Variants in C1orf167 observed in about 807,000 individuals in gnomAD.
C1orf167 encodes the protein chromosome 1 open reading frame 167, also known as uncharacterized protein C1orf167.
A neutral mutation model predicts 176.5 loss-of-function variants in C1orf167; 153 were observed. The ratio of observed to expected loss-of-function variants is 0.87; its 90% CI spans 0.76 to 0.99. The LOEUF (loss-of-function observed/expected upper bound fraction) is 0.99. Ranked by LOEUF, C1orf167 falls within the 50% of genes least tolerant of loss-of-function variation. The pLI is 0.00. For missense variants in C1orf167, 1,490 were observed against 1,817.7 expected (o/e 0.82, Z 3.28); for synonymous variants, 594 against 752.7 (o/e 0.79, Z 3.45).
rs2100407051 is a variant in C1orf167, at chr1:11,784,510, G to C, written c.3342G>C (p.Trp1114Cys). The part of the protein sequence containing the change: ...ESAGAQAAQC[W>C]TWCWALWVHE... ...CTGGGGCCCAGGCAGCCCAGTGCTG[G>C]ACTTGGTGCTGGGCTCTGTGGGTGC... Residue 1114 changes from tryptophan (W) to cysteine (C), a missense_variant, in exon 15 of 21, where the codon TGG becomes TGC. By Grantham distance (215) the Trp-to-Cys change is radical (BLOSUM62 -2). Coordinates refer to ENST00000688073, the MANE Select transcript of C1orf167 (RefSeq NM_001010881.2). 2 of 1,302,752 alleles carry C rather than the reference G, an allele frequency of 1.5e-6. No homozygotes were observed. The highest frequency in any genetic ancestry group is 2.5e-5 in the South Asian group (2 of 80,916). The allele number at this position is 1,302,752 out of a possible 1,614,324, so 80.7% of individuals were successfully genotyped here. A position where few individuals can be genotyped will look rare whatever the true frequency, so the allele number is the denominator to read the frequency against.
At chr1:11,774,521 G>C (rs988959104) in intron 8 of C1orf167, among the ~76,000 whole-genome samples, 1 of 152,200 alleles carries the variant, frequency 6.6e-6, no homozygotes. Flanking sequence ...CCTAGACCAA[G>C]GTTCAGTGGT....
At position 11,785,179 on chromosome 1, in the gene C1orf167, C is replaced by T. The variant is rs758614439; in HGVS notation, c.3457C>T (p.Arg1153Cys). The T allele has an allele frequency of 3.7e-5, 48 of 1,291,358 alleles. No individual in the cohort carries two copies. The highest frequency in any genetic ancestry group is 2.1e-4 in the Middle Eastern group (1 of 4,678). 80.0% of individuals were successfully genotyped at this position (1,291,358 alleles called of 1,614,324 possible). A position where few individuals can be genotyped will look rare whatever the true frequency, so the allele number is the denominator to read the frequency against. The stretch of plus-strand genomic sequence containing the variant: ...AGAGGCCTCGGTGCAGTCGGCGGTG[C>T]GCGGCGGTGTCCAGCGAGCCATCCT... ...VLEASVQSAV[R>C]GGVQRAILTQ... Residue 1153 changes from arginine to cysteine, a missense_variant, in exon 16 of 21, where the codon CGC becomes TGC. By Grantham distance (180) the Arg-to-Cys change is radical (BLOSUM62 -3). Coordinates refer to ENST00000688073, the MANE Select transcript of C1orf167 (RefSeq NM_001010881.2).
Position 11,772,189 on chromosome 1 carries a change from C to G in C1orf167, c.1918C>G (p.His640Asp). ...GACAGGGAGCTTCCCCCAGGCCTGG[C>G]ACTCTACTGCTGCAGGTGTAGCCTG... ...QRTGSFPQAW[H>D]STAAGVAWVA... The change falls in exon 8 of 21, where the codon CAC (histidine) becomes GAC (aspartate). Residue 640 changes from histidine to aspartate, a missense_variant. His to Asp is a moderately conservative substitution (Grantham distance 81, BLOSUM62 -1). Transcript: ENST00000688073. 7.7e-7 allele frequency: 1 copy of G among 1,304,328 alleles called. No homozygotes were observed. Among genetic ancestry groups the G allele is most frequent in the Non-Finnish European group, 1.0e-6 (1 of 988,958 alleles). The allele number at this position is 1,304,328 out of a possible 1,614,324, so 80.8% of individuals were successfully genotyped here. A position where few individuals can be genotyped will look rare whatever the true frequency, so the allele number is the denominator to read the frequency against.
chr1:11,784,199 G>T lies in C1orf167; in HGVS notation c.3031G>T (p.Val1011Leu). The change falls in exon 15 of 21, where the codon GTA becomes TTA. Residue 1011 changes from valine to leucine, a missense_variant. Transcript: ENST00000688073. ...QSYFQAWCEV[V>L]RDTGVLRAQH... ...CTACTTCCAGGCCTGGTGTGAGGTT[G>T]TAAGAGACACGGGGGTGCTCCGGGC... The T allele has an allele frequency of 8.0e-7, 1 of 1,255,608 alleles. No homozygotes were observed. The highest frequency in any genetic ancestry group is 1.0e-6 in the Non-Finnish European group (1 of 963,806). The allele number at this position is 1,255,608 out of a possible 1,614,324, so 77.8% of individuals were successfully genotyped here. A position where few individuals can be genotyped will look rare whatever the true frequency, so the allele number is the denominator to read the frequency against.
At chr1:11,772,446 T>C (rs1206586636) in intron 8 of C1orf167, among the ~76,000 whole-genome samples, 187 bp downstream of exon 8, 2 of 151,900 alleles carry the variant, frequency 1.3e-5, no homozygotes, top group African/African-American at 4.8e-5. Context: ...TTTGTATTTT[T>C]GATAGAGACA....
At chr1:11,779,274 G>C (rs993533483) in intron 12 of C1orf167, 194 bp downstream of exon 12, 1 of 343,600 alleles carries the variant, frequency 2.9e-6, no homozygotes. Context: ...CAGAGTCACT[G>C]TTCCTCTTGG....
chr1:11,775,560 A>G lies in C1orf167; in HGVS notation c.2114A>G (p.Glu705Gly), dbSNP rs1643274952. ...EQWVRMKQLR[E>G]SDGAKVTQLS... is the part of the protein sequence containing the mutation. The stretch of plus-strand genomic sequence containing the variant: ...TGGGTGCGGATGAAGCAGCTCCGGG[A>G]ATCAGATGGGGCAAAGGTGACCCAG... Residue 705 changes from glutamate (E) to glycine (G), a missense_variant, in exon 9 of 21, where the codon GAA (glutamate) becomes GGA (glycine). Transcript: ENST00000688073. 7.7e-7 allele frequency: 1 copy of G among 1,304,034 alleles called. No individual in the cohort carries two copies. The highest frequency in any genetic ancestry group is 1.2e-5 in the South Asian group (1 of 81,028). The allele number at this position is 1,304,034 out of a possible 1,614,324, so 80.8% of individuals were successfully genotyped here.
At chr1:11,778,550 C>T in intron 10 of C1orf167, 110 bp from the exon 11 acceptor site, 1 of 985,724 alleles carries the variant, frequency 1.0e-6, no homozygotes, top group Non-Finnish European at 1.3e-6. Context: ...TGGCGAGCAC[C>T]CTTTCAGCCC....
At chr1:11,784,054 C>T in intron 14 of C1orf167, 120 bp from the exon 15 acceptor site, 2 of 894,626 alleles carry the variant, frequency 2.2e-6, no homozygotes, top group Non-Finnish European at 3.0e-6. Context: ...GACGGGGTTT[C>T]ACCACGTTGG....
In C1orf167 at chr1:11,778,977, G is replaced by T; in HGVS notation, c.2548G>T (p.Ala850Ser). The change falls in exon 12 of 21, where the codon GCA becomes TCA. Residue 850 changes from alanine (A) to serine (S), a missense_variant. By Grantham distance (99) the Ala-to-Ser change is moderately conservative. Coordinates refer to ENST00000688073, the MANE Select transcript of C1orf167 (RefSeq NM_001010881.2). ...PDTLQGSLLW[A>S]AGQRQQGQCL... ...CACTCTCCAGGGGAGCCTTCTGTGG[G>T]CAGCTGGGCAGCGGCAGCAGGGGCA... 7.7e-7 allele frequency: 1 copy of T among 1,303,400 alleles called. No individual in the cohort carries two copies. The highest frequency in any genetic ancestry group is 1.0e-6 in the Non-Finnish European group (1 of 988,484). The allele number at this position is 1,303,400 out of a possible 1,614,324, so 80.7% of individuals were successfully genotyped here. A position where few individuals can be genotyped will look rare whatever the true frequency, so the allele number is the denominator to read the frequency against.
chr1:11,780,358 C>G (rs900159140), intron 13 of C1orf167, among the ~76,000 whole-genome samples: 6 of 152,180 alleles, frequency 3.9e-5, no homozygotes, highest in African/African-American at 1.4e-4. Context: ...TAGACCTCAG[C>G]TGTGAAATTT....
At chr1:11,785,061 G>GC (rs1372728453) in intron 15 of C1orf167, 87 bp from the exon 16 acceptor site, 2 of 1,116,966 alleles carry the variant, frequency 1.8e-6, no homozygotes, top group Non-Finnish European at 2.3e-6. Context: ...GGCCCGGAAG[G>GC]CCCCCTCCCG....
chr1:11,775,392 A>G (rs1308388415), intron 8 of C1orf167, 43 bp from the exon 9 acceptor site: 6 of 1,249,632 alleles, frequency 4.8e-6, no homozygotes, highest in African/African-American at 1.5e-5. Flanking sequence ...CGCAGTCATC[A>G]GATCTTGCAA....
At chr1:11,773,414 A>G (rs1400853873) in intron 8 of C1orf167, among the ~76,000 whole-genome samples, 1 of 152,034 alleles carries the variant, frequency 6.6e-6, no homozygotes, top group Non-Finnish European at 1.5e-5. Context: ...ACTCTTTAGA[A>G]ACATAACCAC....
chr1:11,765,589 C>T (rs1287880186), intron 2 of C1orf167, among the ~76,000 whole-genome samples: 3 of 152,128 alleles, frequency 2.0e-5, no homozygotes, highest in Admixed American at 6.6e-5. Flanking sequence ...ATCCCACCAC[C>T]GTCATCTCTC....
Position 11,775,539 on chromosome 1 carries a change from T to C in C1orf167, c.2093T>C (p.Val698Ala), listed in dbSNP as rs539386073. ...CTGAGGAAATGCCTGGAACAGTGGG[T>C]GCGGATGAAGCAGCTCCGGGAATCA... ...GTLRKCLEQW[V>A]RMKQLRESDG... Residue 698 changes from valine to alanine, a missense_variant, in exon 9 of 21, where the codon GTG (valine) becomes GCG (alanine). Coordinates refer to ENST00000688073, the MANE Select transcript of C1orf167 (RefSeq NM_001010881.2). 1.5e-6 allele frequency: 2 copies of C among 1,303,798 alleles called. No homozygotes were observed. The highest frequency in any genetic ancestry group is 1.1e-4 in the East Asian group (2 of 18,010). 80.8% of individuals were successfully genotyped at this position (1,303,798 alleles called of 1,614,324 possible).
intron 12 of C1orf167, 28 bp downstream of exon 12, chr1:11,779,108 ACT>A (rs1366115792): frequency 8.2e-7 from 1 of 1,216,994 alleles, no homozygotes; most frequent in Non-Finnish European, 1.1e-6. Context: ...TCCGCCCGCC[ACT>A]CTATGGACTT....
Position 11,788,730 on chromosome 1 carries a change from C to T in C1orf167, c.4157C>T (p.Thr1386Ile), listed in dbSNP as rs1437412753. 1.9e-5 allele frequency: 25 copies of T among 1,304,120 alleles called. No individual in the cohort carries two copies. Among genetic ancestry groups the T allele is most frequent in the East Asian group, 5.5e-5 (1 of 18,044 alleles). 80.8% of individuals were successfully genotyped at this position (1,304,120 alleles called of 1,614,324 possible). A position where few individuals can be genotyped will look rare whatever the true frequency, so the allele number is the denominator to read the frequency against. Reference protein sequence around the residue: ...DPATASGSAVTAAGRWAFKKW... With the variant: ...DPATASGSAVIAAGRWAFKKW... ...GCGACTGCGAGTGGCTCAGCAGTTA[C>T]AGCAGCAGGAAGATGGGTGGGTCCT... The change falls in exon 20 of 21, where the codon ACA (threonine) becomes ATA (isoleucine). Residue 1386 changes from threonine to isoleucine, a missense_variant. Thr to Ile is a moderately conservative substitution (Grantham distance 89, BLOSUM62 -1). Transcript: ENST00000688073.
In C1orf167 at chr1:11,772,232, C is replaced by T. The variant is rs61773952; in HGVS notation, c.1961C>T (p.Pro654Leu). Reference sequence around the variant, plus strand: ...GTAGCCTGGGTGGCCCCACTGAGCCCCCAGCACCAGAGAGCTTGGCTGTGC... The same window carrying T: ...GTAGCCTGGGTGGCCCCACTGAGCCTCCAGCACCAGAGAGCTTGGCTGTGC... ...AGVAWVAPLSPQHQRAWLCRC... is the reference protein window; with the variant it reads ...AGVAWVAPLSLQHQRAWLCRC... The change falls in exon 8 of 21, where the codon CCC becomes CTC. Residue 654 changes from proline (P) to leucine (L), a missense_variant. Coordinates refer to ENST00000688073, the MANE Select transcript of C1orf167 (RefSeq NM_001010881.2). 2.5e-5 allele frequency: 33 copies of T among 1,303,926 alleles called. No homozygotes were observed. The African/African-American group carries it at 4.4e-4, about 17-fold the overall frequency. The allele number at this position is 1,303,926 out of a possible 1,614,324, so 80.8% of individuals were successfully genotyped here. A position where few individuals can be genotyped will look rare whatever the true frequency, so the allele number is the denominator to read the frequency against.
Sources: gnomAD v4.1 joint callset for allele counts (sites outside exome capture counted in the v4.1 genomes callset) on GRCh38, gnomAD v4.1.1 for gene constraint, MANE v1.5 for transcripts, NCBI Gene and HGNC (gene_info 2026-07-23, HGNC 2026-07-21) for gene names.